The following KCNMA1 variants were observed in gnomAD, a reference collection of about 807,000 sequenced individuals.
The protein encoded by KCNMA1 is potassium calcium-activated channel subfamily M alpha 1, also known as Calcium-activated potassium channel subunit alpha-1.
Under a neutral mutation model 140.0 loss-of-function variants are expected in KCNMA1, and 29 were observed. That is an observed-to-expected ratio of 0.21 (90% CI 0.15 to 0.28). The LOEUF (loss-of-function observed/expected upper bound fraction) is 0.28. Ranked by LOEUF, KCNMA1 falls within the 10% of genes least tolerant of loss-of-function variation. The probability of loss-of-function intolerance (pLI) is 1.00; values close to 1 mark genes in which losing one functional copy is unlikely to be tolerated. For missense variants in KCNMA1, 880 were observed against 1,602.2 expected (o/e 0.55, Z 7.70); for synonymous variants, 612 against 611.9 (o/e 1.00, Z 0.00).
At chr10:77,414,879 A>G (rs761500941) in intron 1 of KCNMA1, among the ~76,000 whole-genome samples, 3 of 152,174 alleles carry the variant, frequency 2.0e-5, no homozygotes, top group Non-Finnish European at 2.9e-5. Context: ...ATTTCAATCT[A>G]GTCCATTCTA....
chr10:77,081,523 A>T (rs1350525283), intron 12 of KCNMA1, among the ~76,000 whole-genome samples: 4 of 152,078 alleles, frequency 2.6e-5, no homozygotes, highest in African/African-American at 9.7e-5. Flanking sequence ...CCCACCCAGC[A>T]GCGCTCCCCA....
intron 2 of KCNMA1, among the ~76,000 whole-genome samples, chr10:77,342,552 C>T (rs1322975593): frequency 6.6e-6 from 1 of 152,206 alleles, no homozygotes; most frequent in East Asian, 1.9e-4. Context: ...AGTAAACACT[C>T]CCATGAAGAA....
intron 2 of KCNMA1, among the ~76,000 whole-genome samples, chr10:77,391,259 C>G (rs2095810202): frequency 6.6e-6 from 1 of 152,184 alleles, no homozygotes; most frequent in East Asian, 1.9e-4. Context: ...TTTAATGGTC[C>G]CCCTTGATGC....
At chr10:77,042,056 G>A (rs1391247389) in intron 14 of KCNMA1, among the ~76,000 whole-genome samples, 2 of 152,114 alleles carry the variant, frequency 1.3e-5, no homozygotes, top group Non-Finnish European at 2.9e-5. Context: ...GATTATGTAG[G>A]TTAACCTCAT....
chr10:77,617,657 G>A (rs1258943616), intron 1 of KCNMA1, among the ~76,000 whole-genome samples: 5 of 152,212 alleles, frequency 3.3e-5, no homozygotes, highest in Admixed American at 3.3e-4. Flanking sequence ...TCTTGGGCAA[G>A]TGACATCACA....
At chr10:77,419,313 C>T (rs952626821) in intron 1 of KCNMA1, among the ~76,000 whole-genome samples, 1 of 152,172 alleles carries the variant, frequency 6.6e-6, no homozygotes, top group East Asian at 1.9e-4. Context: ...TGGAAAGACG[C>T]CCCACGTCTC....
At chr10:77,618,385 C>T (rs1603638704) in intron 1 of KCNMA1, among the ~76,000 whole-genome samples, 1 of 152,276 alleles carries the variant, frequency 6.6e-6, no homozygotes, top group Middle Eastern at 3.4e-3. Context: ...ATGATTCCAT[C>T]GCCACTGCAC....
intron 2 of KCNMA1, among the ~76,000 whole-genome samples, chr10:77,379,909 C>T (rs1027622677): frequency 2.6e-5 from 4 of 152,156 alleles, no homozygotes; most frequent in Admixed American, 2.6e-4. Flanking sequence ...CAGCCTCCCA[C>T]GTCAGTTTCC....
downstream of KCNMA1, chr10:76,874,444 T>C (rs2031988123): frequency 6.6e-6 from 1 of 152,190 alleles, no homozygotes; most frequent in South Asian, 2.1e-4. Context: ...GATGAATCAC[T>C]CTCATTTACA....
downstream of KCNMA1, chr10:76,875,482 G>T (rs894751219): frequency 6.6e-6 from 1 of 152,082 alleles, no homozygotes; most frequent in South Asian, 2.1e-4. Flanking sequence ...GGTGGGGCTG[G>T]AGTTTGCATT....
intron 1 of KCNMA1, among the ~76,000 whole-genome samples, chr10:77,472,079 A>T (rs545407481): frequency 2.6e-5 from 4 of 151,156 alleles, no homozygotes; most frequent in Admixed American, 6.6e-5. Flanking sequence ...CACCATACAC[A>T]TACCACACAC....
chr10:77,494,871 G>C (rs2041283021), intron 1 of KCNMA1, among the ~76,000 whole-genome samples: 1 of 152,196 alleles, frequency 6.6e-6, no homozygotes, highest in South Asian at 2.1e-4. Flanking sequence ...TAGTTTTCTT[G>C]TCCTTCCTTG....
chr10:77,422,848 C>G (rs1443745780), intron 1 of KCNMA1, among the ~76,000 whole-genome samples: 1 of 152,178 alleles, frequency 6.6e-6, no homozygotes, highest in Non-Finnish European at 1.5e-5. Context: ...AGGAGAAACC[C>G]TACAGGCTTC....
intron 1 of KCNMA1, among the ~76,000 whole-genome samples, chr10:77,449,715 C>T (rs1278899843): frequency 6.6e-6 from 1 of 150,522 alleles, no homozygotes; most frequent in African/African-American, 2.4e-5. Flanking sequence ...GGATGTCAGC[C>T]CACTGCAAGC....
At chr10:77,305,401 G>A (rs940560760) in intron 2 of KCNMA1, among the ~76,000 whole-genome samples, 12 of 152,100 alleles carry the variant, frequency 7.9e-5, no homozygotes, top group Admixed American at 7.2e-4. Flanking sequence ...AACTTATAGA[G>A]AAAGAAACGA....
intron 5 of KCNMA1, chr10:77,148,262 A>G (rs952030687): frequency 2.6e-5 from 4 of 152,194 alleles, no homozygotes; most frequent in African/African-American, 9.7e-5. Flanking sequence ...AATCTATCCT[A>G]AAATTAAATT....
chr10:77,159,756 T>A (rs1324062513), intron 5 of KCNMA1, among the ~76,000 whole-genome samples: 1 of 152,112 alleles, frequency 6.6e-6, no homozygotes, highest in African/African-American at 2.4e-5. Flanking sequence ...CTGGGACACG[T>A]CAGGCTGTCT....
chr10:77,058,473 C>A lies in KCNMA1; in HGVS notation c.1749+14624G>T, dbSNP rs565645816. ...GCAGAATATACATTCTTTTTAAGCT[C>A]ACCTGGAACATTCACCAAGACAGAT... On this transcript the variant is annotated intron_variant, in intron 14 of 27. Coordinates refer to ENST00000286628, the MANE Select transcript of KCNMA1 (RefSeq NM_001161352.2). Among the ~76,000 whole-genome samples, 199 of 152,158 alleles carry A rather than the reference C, an allele frequency of 1.3e-3. 3 individuals carry two copies. The highest frequency in any genetic ancestry group is 1.5e-3 in the Non-Finnish European group (105 of 67,924).
At chr10:77,442,346 C>T (rs1222833151) in intron 1 of KCNMA1, among the ~76,000 whole-genome samples, 2 of 151,974 alleles carry the variant, frequency 1.3e-5, no homozygotes, top group Non-Finnish European at 2.9e-5. Flanking sequence ...CCCCTTGCCA[C>T]CTAGACCCCC....
Sources: gnomAD v4.1 joint callset for allele counts (sites outside exome capture counted in the v4.1 genomes callset) on GRCh38, gnomAD v4.1.1 for gene constraint, MANE v1.5 for transcripts, NCBI Gene and HGNC (gene_info 2026-07-23, HGNC 2026-07-21) for gene names.